The following CNTFR variants were observed in gnomAD, a reference collection of about 807,000 sequenced individuals.
CNTFR encodes ciliary neurotrophic factor receptor subunit alpha.
In CNTFR, 12 loss-of-function variants were observed where a neutral mutation model predicts 40.4. The ratio of observed to expected loss-of-function variants is 0.30; its 90% CI spans 0.19 to 0.48. The LOEUF is 0.48. Among genes scored for constraint, CNTFR ranks in the 20% least tolerant of loss-of-function variants. The pLI is 0.99. For missense variants in CNTFR, 414 were observed against 506.8 expected (o/e 0.82, Z 1.76); for synonymous variants, 202 against 209.6 (o/e 0.96, Z 0.31).
intron 2 of CNTFR, among the ~76,000 whole-genome samples, chr9:34,572,725 GAC>G (rs1021452126): frequency 4.6e-5 from 7 of 152,336 alleles, no homozygotes; most frequent in Middle Eastern, 3.4e-3. Context: ...CATTGAAAAT[GAC>G]ACAGTTGTAC....
chr9:34,586,013 G>A (rs1279839752), intron 1 of CNTFR, among the ~76,000 whole-genome samples: 2 of 152,326 alleles, frequency 1.3e-5, no homozygotes, highest in South Asian at 2.1e-4. Context: ...TCAGGACGGG[G>A]AGCAGTTACA....
intron 1 of CNTFR, among the ~76,000 whole-genome samples, chr9:34,586,749 G>A (rs997032226): frequency 1.3e-5 from 2 of 152,158 alleles, no homozygotes; most frequent in East Asian, 1.9e-4. Flanking sequence ...GGAAAGCAGC[G>A]AAATCTGACT....
intron 1 of CNTFR, among the ~76,000 whole-genome samples, chr9:34,583,198 G>A (rs893127267): frequency 1.3e-5 from 2 of 152,122 alleles, no homozygotes; most frequent in Admixed American, 1.3e-4. Flanking sequence ...TGGTGGAGGA[G>A]GCCATACTCC....
At chr9:34,566,234 T>G (rs915592385) in intron 3 of CNTFR, among the ~76,000 whole-genome samples, 3 of 152,140 alleles carry the variant, frequency 2.0e-5, no homozygotes, top group African/African-American at 7.2e-5. Context: ...TCGTCCTCGC[T>G]GTGCCAGGGT....
intron 2 of CNTFR, among the ~76,000 whole-genome samples, chr9:34,576,700 G>A (rs1160518600): frequency 6.6e-6 from 1 of 152,266 alleles, no homozygotes; most frequent in Non-Finnish European, 1.5e-5. Flanking sequence ...GGTGAAGGAA[G>A]TACCTGGGGG....
At chr9:34,573,450 A>G (rs1176958777) in intron 2 of CNTFR, among the ~76,000 whole-genome samples, 1 of 152,176 alleles carries the variant, frequency 6.6e-6, no homozygotes, top group African/African-American at 2.4e-5. Flanking sequence ...GGCCTGGACA[A>G]TGAAGGATCA....
At position 34,565,662 on chromosome 9, in the gene CNTFR, C is replaced by T. The variant is rs546870294; in HGVS notation, c.86-830G>A. Reference sequence around the variant, plus strand: ...GCCTGTCAGAGCCAAAAGCAAACCCCAGCCCTGCCTTCAGCAACCCAGGCG... The same window carrying T: ...GCCTGTCAGAGCCAAAAGCAAACCCTAGCCCTGCCTTCAGCAACCCAGGCG... On this transcript the variant is annotated intron_variant, in intron 3 of 9. Coordinates refer to ENST00000378980, the MANE Select transcript of CNTFR (RefSeq NM_147164.3). Among the ~76,000 whole-genome samples the T allele has an allele frequency of 6.6e-5, 10 of 152,282 alleles. No homozygotes were observed. In the South Asian group the frequency reaches 2.1e-3, roughly 32 times the overall value.
intron 2 of CNTFR, among the ~76,000 whole-genome samples, chr9:34,574,876 C>A (rs1303421262): frequency 6.6e-6 from 1 of 152,214 alleles, no homozygotes; most frequent in East Asian, 1.9e-4. Context: ...AGCCTGGGGC[C>A]CTCCCATGAT....
intron 3 of CNTFR, among the ~76,000 whole-genome samples, chr9:34,567,719 G>T (rs564529836): frequency 6.6e-6 from 1 of 152,148 alleles, no homozygotes; most frequent in Non-Finnish European, 1.5e-5. Context: ...ATGCAGACAG[G>T]CAAGGTGACA....
chr9:34,587,619 G>A (rs1827598803), intron 1 of CNTFR, among the ~76,000 whole-genome samples: 1 of 152,168 alleles, frequency 6.6e-6, no homozygotes. Flanking sequence ...TTGGAAATGT[G>A]AATCTGACTA....
chr9:34,588,815 C>T (rs1170579976), intron 1 of CNTFR, among the ~76,000 whole-genome samples: 1 of 152,110 alleles, frequency 6.6e-6, no homozygotes, highest in African/African-American at 2.4e-5. Context: ...GCCCAGCCCC[C>T]ACGCACGCGG....
intron 4 of CNTFR, among the ~76,000 whole-genome samples, chr9:34,560,532 T>G (rs911727590): frequency 9.2e-5 from 14 of 152,346 alleles, no homozygotes; most frequent in Non-Finnish European, 1.3e-4. Context: ...CATGAGGCAG[T>G]GCATATGTGA....
At chr9:34,575,338 A>G (rs1826897863) in intron 2 of CNTFR, among the ~76,000 whole-genome samples, 1 of 152,104 alleles carries the variant, frequency 6.6e-6, no homozygotes, top group Admixed American at 6.5e-5. Context: ...TCTTGTAGGG[A>G]CAGAACGCTG....
chr9:34,572,154 TC>T (rs2132204021), intron 2 of CNTFR, among the ~76,000 whole-genome samples: 2 of 151,798 alleles, frequency 1.3e-5, no homozygotes, highest in East Asian at 3.9e-4. Flanking sequence ...TAAAACCCCA[TC>T]TCTGCCCCTG....
intron 2 of CNTFR, among the ~76,000 whole-genome samples, chr9:34,579,099 G>A (rs1827152104): frequency 6.6e-6 from 1 of 152,196 alleles, no homozygotes; most frequent in African/African-American, 2.4e-5. Context: ...ACATCCGCAT[G>A]GGGTCGGGGG....
At position 34,556,336 on chromosome 9, in the gene CNTFR, G is replaced by T; in HGVS notation, c.687C>A (p.Pro229=). ...PRRLEVTWQT[P]STWPDPESFP... ...AAGACTCAGGGTCAGGCCAGGTCGAGGGGGTCTGCCACGTCACCTCCAGCC... is the reference window on the plus strand; with the variant it reads ...AAGACTCAGGGTCAGGCCAGGTCGATGGGGTCTGCCACGTCACCTCCAGCC... Residue 229 remains proline (P), a synonymous_variant, in exon 7 of 10, where the codon CCC becomes CCA. Coordinates refer to ENST00000378980, the MANE Select transcript of CNTFR (RefSeq NM_147164.3). 6.2e-7 allele frequency: 1 copy of T among 1,614,010 alleles called. No individual in the cohort carries two copies.
At chr9:34,587,961 G>A (rs754364457) in intron 1 of CNTFR, among the ~76,000 whole-genome samples, 13 of 152,154 alleles carry the variant, frequency 8.5e-5, no homozygotes, top group South Asian at 2.1e-4. Flanking sequence ...GCCCCACAAC[G>A]TAAGTGTCAG....
At chr9:34,579,220 C>A (rs945857790) in intron 2 of CNTFR, among the ~76,000 whole-genome samples, 10 of 151,284 alleles carry the variant, frequency 6.6e-5, no homozygotes, top group South Asian at 2.1e-4. Context: ...GGGGCTGGAA[C>A]GGGGGAGGGA....
At chr9:34,570,988 C>T (rs1315506643) in intron 2 of CNTFR, among the ~76,000 whole-genome samples, 1 of 152,138 alleles carries the variant, frequency 6.6e-6, no homozygotes, top group Non-Finnish European at 1.5e-5. Flanking sequence ...CCCTGACTGC[C>T]CCTCCCTGGC....
Sources: gnomAD v4.1 joint callset for allele counts (sites outside exome capture counted in the v4.1 genomes callset) on GRCh38, gnomAD v4.1.1 for gene constraint, MANE v1.5 for transcripts, NCBI Gene and HGNC (gene_info 2026-07-23, HGNC 2026-07-21) for gene names.